The following CER1 variants were observed in gnomAD, a reference collection of about 807,000 sequenced individuals.
CER1 encodes cerberus 1, DAN family BMP antagonist.
In CER1, 10 loss-of-function variants were observed where a neutral mutation model predicts 11.8. The ratio of observed to expected loss-of-function variants is 0.85; its 90% confidence interval spans 0.52 to 1.44. The LOEUF (loss-of-function observed/expected upper bound fraction) is 1.44. Ranked by LOEUF, CER1 falls within the 40% of genes most tolerant of loss-of-function variation. CER1 has a pLI of 0.00. For missense variants in CER1, 431 were observed against 327.0 expected (o/e 1.32, Z -2.45); for synonymous variants, 141 against 122.3 (o/e 1.15, Z -1.01).
At chr9:14,720,523 T>G (rs543596925) in intron 1 of CER1, 137 bp from the exon 2 acceptor site, 1 of 814,346 alleles carries the variant, frequency 1.2e-6, no homozygotes, top group Non-Finnish European at 1.9e-6. Flanking sequence ...ATTTGCAATA[T>G]GCAAGTGATG....
chr9:14,718,349 C>T (rs769226450), downstream of CER1, among the ~76,000 whole-genome samples: 7 of 152,136 alleles, frequency 4.6e-5, no homozygotes, highest in Non-Finnish European at 8.8e-5. Flanking sequence ...TAGCTTTTGG[C>T]ACCAAAATAT....
At chr9:14,721,281 A>G (rs1312259880) in intron 1 of CER1, among the ~76,000 whole-genome samples, 1 of 152,192 alleles carries the variant, frequency 6.6e-6, no homozygotes, top group Non-Finnish European at 1.5e-5. Context: ...CAATATCTTC[A>G]TGTTTAAGGA....
At chr9:14,720,872 T>G (rs1554627010) in intron 1 of CER1, among the ~76,000 whole-genome samples, 1 of 152,210 alleles carries the variant, frequency 6.6e-6, no homozygotes, top group Non-Finnish European at 1.5e-5. Flanking sequence ...TTCAAGTCTA[T>G]GAAGTTGTAT....
chr9:14,720,421 G>C, intron 1 of CER1, 35 bp from the exon 2 acceptor site: 3 of 1,570,722 alleles, frequency 1.9e-6, no homozygotes, highest in Non-Finnish European at 2.6e-6. Context: ...ACGTTATTTT[G>C]AATTATTTCT....
intron 1 of CER1, among the ~76,000 whole-genome samples, chr9:14,720,744 A>C (rs1476413136): frequency 6.6e-6 from 1 of 152,196 alleles, no homozygotes; most frequent in Non-Finnish European, 1.5e-5. Context: ...TTACTTTTTT[A>C]TTCCTCACAG....
At chr9:14,718,617 T>G (rs866740480), downstream of CER1, among the ~76,000 whole-genome samples, 5 of 151,938 alleles carry the variant, frequency 3.3e-5, no homozygotes, top group Non-Finnish European at 7.4e-5. Flanking sequence ...TTGATTTATT[T>G]AAAAAAAACA....
rs766290145 is a variant in CER1, at chr9:14,722,416, A to C, written c.257T>G (p.Phe86Cys). The change falls in exon 1 of 2, where the codon TTC (phenylalanine) becomes TGC (cysteine). Residue 86 changes from phenylalanine to cysteine, a missense_variant. Transcript: ENST00000380911. The part of the protein sequence containing the change: ...REKMLSRFGR[F>C]WKKPEREMHP... ...CATTTCTCTCTCAGGCTTCTTCCAG[A>C]ACCTGCCAAATCTGGACAGCATCTT... The C allele has an allele frequency of 1.9e-6, 3 of 1,614,064 alleles. No homozygotes were observed. The highest frequency in any genetic ancestry group is 2.5e-6 in the Non-Finnish European group (3 of 1,180,028).
chr9:14,719,548 TGCCTGCCTGCCTG>T (rs1408904820), downstream of CER1, among the ~76,000 whole-genome samples: 1 of 77,004 alleles, frequency 1.3e-5, no homozygotes, highest in African/African-American at 6.8e-5. Flanking sequence ...CCTGCCTGCC[TGCCTGCCTGCCTG>T]CCTTCCTTCC....
Position 14,722,417 on chromosome 9 carries a change from A to G in CER1, c.256T>C (p.Phe86Leu), listed in dbSNP as rs753768354. Residue 86 changes from phenylalanine (F) to leucine (L), a missense_variant, in exon 1 of 2, where the codon TTC (phenylalanine) becomes CTC (leucine). Phe to Leu is a conservative substitution (Grantham distance 22). Coordinates refer to ENST00000380911, the MANE Select transcript of CER1 (RefSeq NM_005454.3). The part of the protein sequence containing the change: ...REKMLSRFGR[F>L]WKKPEREMHP... ...ATTTCTCTCTCAGGCTTCTTCCAGA[A>G]CCTGCCAAATCTGGACAGCATCTTC... The G allele has an allele frequency of 3.7e-6, 6 of 1,614,120 alleles. No homozygotes were observed. The South Asian group carries it at 6.6e-5, about 18-fold the overall frequency.
In CER1 at chr9:14,722,280, C is replaced by A; in HGVS notation, c.393G>T (p.Lys131Asn). 2 of 1,614,222 alleles carry A rather than the reference C, an allele frequency of 1.2e-6. No individual in the cohort carries two copies. Among genetic ancestry groups the A allele is most frequent in the African/African-American group, 2.7e-5 (2 of 75,056 alleles). ...TGAACATGAAGTGGTGCCAGAATTT[C>A]TTGGCTTCTTCCCGAAGAGGAGATT... ...MEKSPLREEA[K>N]KFWHHFMFRK... Residue 131 changes from lysine (K) to asparagine (N), a missense_variant, in exon 1 of 2, where the codon AAG becomes AAT. Transcript: ENST00000380911.
At position 14,719,973 on chromosome 9, in the gene CER1, C is replaced by T. The variant is rs1443420577; in HGVS notation, c.*117G>A. On this transcript the variant is annotated 3_prime_UTR_variant, in exon 2 of 2. Coordinates refer to ENST00000380911, the MANE Select transcript of CER1 (RefSeq NM_005454.3). ...CCTCTATCGTTCTAATTTAAAACTA[C>T]GTTTCAAGTCACCTTTCCCTGAAAA... 2 of 907,342 alleles carry T rather than the reference C, an allele frequency of 2.2e-6. No individual in the cohort carries two copies. Among genetic ancestry groups the T allele is most frequent in the Non-Finnish European group, 3.4e-6 (2 of 586,564 alleles). The allele number at this position is 907,342 out of a possible 1,614,324, so 56.2% of individuals were successfully genotyped here.
chr9:14,717,903 AGTTTTT>A (rs1839957824), downstream of CER1, among the ~76,000 whole-genome samples: 1 of 152,172 alleles, frequency 6.6e-6, no homozygotes, highest in African/African-American at 2.4e-5. Flanking sequence ...TACTTTATAT[AGTTTTT>A]GTGAGGATTA....
At position 14,722,299 on chromosome 9, in the gene CER1, G is replaced by A; in HGVS notation, c.374C>T (p.Pro125Leu). The A allele has an allele frequency of 6.2e-7, 1 of 1,614,182 alleles. No homozygotes were observed. The highest frequency in any genetic ancestry group is 8.5e-7 in the Non-Finnish European group (1 of 1,180,026). Reference sequence around the variant, plus strand: ...GAATTTCTTGGCTTCTTCCCGAAGAGGAGATTTCTCCATTTTCATTCCATC... The same window carrying A: ...GAATTTCTTGGCTTCTTCCCGAAGAAGAGATTTCTCCATTTTCATTCCATC... ...PIDGMKMEKS[P>L]LREEAKKFWH... Residue 125 changes from proline (P) to leucine (L), a missense_variant, in exon 1 of 2, where the codon CCT becomes CTT. Coordinates refer to ENST00000380911, the MANE Select transcript of CER1 (RefSeq NM_005454.3).
chr9:14,720,261 A>G lies in CER1; in HGVS notation c.633T>C (p.Pro211=). ...HSHTSCSHCL[P]AKFTTMHLPL... is the part of the protein sequence containing the mutation. ...GCAAGTGCATCGTGGTGAACTTGGCAGGCAAACAGTGAGAGCAGGAGGTAT... is the reference window on the plus strand; with the variant it reads ...GCAAGTGCATCGTGGTGAACTTGGCGGGCAAACAGTGAGAGCAGGAGGTAT... Residue 211 remains proline, a synonymous_variant, in exon 2 of 2, where the codon CCT becomes CCC. Transcript: ENST00000380911. The G allele has an allele frequency of 6.2e-7, 1 of 1,614,138 alleles. No homozygotes were observed. Among genetic ancestry groups the G allele is most frequent in the Non-Finnish European group, 8.5e-7 (1 of 1,180,036 alleles).
chr9:14,722,292 C>T lies in CER1; in HGVS notation c.381G>A (p.Arg127=), dbSNP rs748877898. 1 of 1,614,194 alleles carries T rather than the reference C, an allele frequency of 6.2e-7. No homozygotes were observed. Among genetic ancestry groups the T allele is most frequent in the Admixed American group, 1.7e-5 (1 of 60,026 alleles). Residue 127 remains arginine, a synonymous_variant, in exon 1 of 2, where the codon CGG becomes CGA. Transcript: ENST00000380911. ...GGTGCCAGAATTTCTTGGCTTCTTC[C>T]CGAAGAGGAGATTTCTCCATTTTCA... ...DGMKMEKSPL[R]EEAKKFWHHF...
rs1840027067 is a variant in CER1 at position 14,722,393 on chromosome 9, T to C, written c.280A>G (p.Met94Val). ...GRFWKKPERE[M>V]HPSRDSDSEP... ...CTATCTGAGTCCCTGGATGGATGCATTTCTCTCTCAGGCTTCTTCCAGAAC... is the reference window on the plus strand; with the variant it reads ...CTATCTGAGTCCCTGGATGGATGCACTTCTCTCTCAGGCTTCTTCCAGAAC... Residue 94 changes from methionine to valine, a missense_variant, in exon 1 of 2, where the codon ATG becomes GTG. Met to Val is a conservative substitution (Grantham distance 21). Transcript: ENST00000380911. 6.2e-7 allele frequency: 1 copy of C among 1,614,196 alleles called. No individual in the cohort carries two copies. The highest frequency in any genetic ancestry group is 8.5e-7 in the Non-Finnish European group (1 of 1,180,030).
At chr9:14,717,397 T>G (rs1288355143), downstream of CER1, among the ~76,000 whole-genome samples, 1 of 152,166 alleles carries the variant, frequency 6.6e-6, no homozygotes, top group Non-Finnish European at 1.5e-5. Context: ...CTTTTCCGTG[T>G]GTTTTCAATT....
At position 14,720,066 on chromosome 9, in the gene CER1, C is replaced by T. The variant is rs1433358924; in HGVS notation, c.*24G>A. ...TCTTTGCTGTTGTGGTTTTGCTTTT[C>T]AAAGGTAATAGTGGGATAGCTCTTC... On this transcript the variant is annotated 3_prime_UTR_variant, in exon 2 of 2. Coordinates refer to ENST00000380911, the MANE Select transcript of CER1 (RefSeq NM_005454.3). 6.3e-7 allele frequency: 1 copy of T among 1,598,296 alleles called. No homozygotes were observed. The highest frequency in any genetic ancestry group is 1.7e-5 in the Admixed American group (1 of 59,752).
At position 14,722,654 on chromosome 9, in the gene CER1, G is replaced by C. The variant is rs746146309; in HGVS notation, c.19C>G (p.Gln7Glu). 2 of 1,600,648 alleles carry C rather than the reference G, an allele frequency of 1.2e-6. No homozygotes were observed. The highest frequency in any genetic ancestry group is 1.7e-6 in the Non-Finnish European group (2 of 1,179,524). MHLLLF[Q>E]LLVLLPLGKT... ...CCTAGAGGCAGGAGTACCAGCAGCTGAAATAAGAGGAGATGCATGCTGTCA... is the reference window on the plus strand; with the variant it reads ...CCTAGAGGCAGGAGTACCAGCAGCTCAAATAAGAGGAGATGCATGCTGTCA... Residue 7 changes from glutamine to glutamate, a missense_variant, in exon 1 of 2, where the codon CAG becomes GAG. By Grantham distance (29) the Gln-to-Glu change is conservative. Transcript: ENST00000380911.
Sources: allele counts gnomAD v4.1 joint callset (sites outside exome capture counted in the v4.1 genomes callset), GRCh38; gene constraint gnomAD v4.1.1; transcripts MANE v1.5; gene names NCBI Gene and HGNC (gene_info 2026-07-23, HGNC 2026-07-21).